The following EXOC6B variants were observed in gnomAD, a reference collection of about 807,000 sequenced individuals.
The protein encoded by EXOC6B is SEC15 homolog B.
EXOC6B carries 54 observed loss-of-function variants against 113.5 expected under a neutral mutation model. The ratio of observed to expected loss-of-function variants is 0.48; its 90% CI spans 0.38 to 0.60. The LOEUF is 0.60. Ranked by LOEUF, EXOC6B falls within the 20% of genes least tolerant of loss-of-function variation. EXOC6B has a pLI of 0.00. For synonymous variants in EXOC6B, 357 were observed against 339.0 expected, an observed-to-expected ratio of 1.05 and a Z score of -0.58; for missense variants, 797 against 977.5, an observed-to-expected ratio of 0.82 and a Z score of 2.46.
intron 6 of EXOC6B, among the ~76,000 whole-genome samples, chr2:72,692,665 C>A (rs952332441): frequency 3.3e-5 from 5 of 152,132 alleles, no homozygotes; most frequent in African/African-American, 7.2e-5. Context: ...TCACTATATT[C>A]TTTATCAATT....
intron 6 of EXOC6B, among the ~76,000 whole-genome samples, chr2:72,619,257 G>A (rs368111382): frequency 9.2e-5 from 14 of 152,174 alleles, no homozygotes; most frequent in African/African-American, 2.6e-4. Context: ...ACATCTTCCT[G>A]TATGAAACAA....
chr2:72,373,413 C>A (rs1691160185), intron 19 of EXOC6B, among the ~76,000 whole-genome samples: 2 of 151,950 alleles, frequency 1.3e-5, no homozygotes, highest in South Asian at 4.1e-4. Context: ...CAAAAATGGA[C>A]AAATAGGATC....
At chr2:72,559,851 G>A (rs1421491768) in intron 7 of EXOC6B, among the ~76,000 whole-genome samples, 1 of 152,148 alleles carries the variant, frequency 6.6e-6, no homozygotes, top group African/African-American at 2.4e-5. Context: ...AGAACAATGT[G>A]AGAATACACC....
chr2:72,452,068 T>C (rs1168908220), intron 18 of EXOC6B, among the ~76,000 whole-genome samples: 1 of 152,202 alleles, frequency 6.6e-6, no homozygotes, highest in Admixed American at 6.5e-5. Flanking sequence ...AAATGTAGTT[T>C]AGACTGACCT....
intron 6 of EXOC6B, among the ~76,000 whole-genome samples, chr2:72,626,898 T>A (rs1383428155): frequency 1.3e-5 from 2 of 152,190 alleles, no homozygotes; most frequent in Non-Finnish European, 2.9e-5. Context: ...GATTGATCCC[T>A]GCTGCACAAT....
chr2:72,665,629 T>G, intron 6 of EXOC6B, among the ~76,000 whole-genome samples: 1 of 152,126 alleles, frequency 6.6e-6, no homozygotes, highest in East Asian at 1.9e-4. Flanking sequence ...GTAAAATCCT[T>G]TTCAGACAAG....
chr2:72,701,717 C>T (rs993987104), intron 6 of EXOC6B, among the ~76,000 whole-genome samples: 1 of 152,184 alleles, frequency 6.6e-6, no homozygotes, highest in Non-Finnish European at 1.5e-5. Context: ...GCTACTTTGT[C>T]ACCTAGTATT....
chr2:72,376,421 T>C (rs370748733), intron 19 of EXOC6B, among the ~76,000 whole-genome samples: 1 of 152,322 alleles, frequency 6.6e-6, no homozygotes, highest in African/African-American at 2.4e-5. Context: ...TTCTGATAAG[T>C]TGGCTGTAGC....
intron 6 of EXOC6B, among the ~76,000 whole-genome samples, chr2:72,673,323 G>A (rs1676044323): frequency 6.6e-6 from 1 of 152,132 alleles, no homozygotes; most frequent in African/African-American, 2.4e-5. Context: ...GTAGGGTATT[G>A]GTATTTACTG....
chr2:72,338,462 T>C (rs556580588), intron 19 of EXOC6B, among the ~76,000 whole-genome samples: 111 of 152,206 alleles, frequency 7.3e-4, no homozygotes, highest in Middle Eastern at 6.8e-3. Context: ...TGAGTTGGCA[T>C]TGCAAACTTA....
intron 20 of EXOC6B, among the ~76,000 whole-genome samples, chr2:72,248,675 A>G (rs1429641792): frequency 6.6e-6 from 1 of 152,242 alleles, no homozygotes; most frequent in Non-Finnish European, 1.5e-5. Flanking sequence ...ATGCTCGGTA[A>G]GTATTTGTAG....
intron 20 of EXOC6B, among the ~76,000 whole-genome samples, chr2:72,264,705 G>A (rs1457119951): frequency 1.3e-5 from 2 of 151,950 alleles, no homozygotes; most frequent in Admixed American, 6.6e-5. Flanking sequence ...AATCATGGGG[G>A]CAGTTTTCCC....
intron 18 of EXOC6B, among the ~76,000 whole-genome samples, chr2:72,415,008 T>C (rs1221334512): frequency 2.6e-5 from 4 of 152,154 alleles, no homozygotes; most frequent in South Asian, 2.1e-4. Flanking sequence ...CTGAGTTAAG[T>C]TGATAGTAAG....
intron 1 of EXOC6B, among the ~76,000 whole-genome samples, chr2:72,820,097 T>A (rs1686496525): frequency 6.6e-6 from 1 of 152,054 alleles, no homozygotes; most frequent in East Asian, 1.9e-4. Context: ...GGATGCCACA[T>A]CCCCATATTC....
intron 20 of EXOC6B, among the ~76,000 whole-genome samples, chr2:72,246,161 T>C (rs1326213177): frequency 1.3e-5 from 2 of 152,182 alleles, no homozygotes; most frequent in African/African-American, 4.8e-5. Context: ...AGTGTTGAGA[T>C]TACAGGCATG....
intron 20 of EXOC6B, among the ~76,000 whole-genome samples, chr2:72,201,805 G>C (rs1453490618): frequency 1.3e-5 from 2 of 152,176 alleles, no homozygotes; most frequent in Admixed American, 6.5e-5. Context: ...TGCTTCCATA[G>C]TTATTGTGTG....
intron 6 of EXOC6B, among the ~76,000 whole-genome samples, chr2:72,712,981 A>C (rs768614681): frequency 3.3e-5 from 5 of 152,248 alleles, no homozygotes; most frequent in African/African-American, 1.2e-4. Flanking sequence ...GCTTCAGAGG[A>C]TCCTCAAATA....
intron 6 of EXOC6B, among the ~76,000 whole-genome samples, chr2:72,674,607 G>A (rs1036149182): frequency 4.6e-5 from 7 of 152,054 alleles, no homozygotes; most frequent in Admixed American, 3.3e-4. Flanking sequence ...CGAGGCGGGC[G>A]GATCACAAGT....
chr2:72,537,558 G>A (rs528034734), intron 8 of EXOC6B, among the ~76,000 whole-genome samples: 18 of 152,084 alleles, frequency 1.2e-4, no homozygotes, highest in Non-Finnish European at 2.2e-4. Flanking sequence ...TTGAGCCCAG[G>A]AGGTTCAAGG....
Sources: gnomAD v4.1 joint callset for allele counts (sites outside exome capture counted in the v4.1 genomes callset) on GRCh38, gnomAD v4.1.1 for gene constraint, MANE v1.5 for transcripts, NCBI Gene and HGNC (gene_info 2026-07-23, HGNC 2026-07-21) for gene names.